Variants in SLC5A6 observed in about 807,000 individuals in gnomAD.
The protein encoded by SLC5A6 is solute carrier family 5 member 6, also known as sodium-dependent multivitamin transporter.
Under a neutral mutation model 67.9 loss-of-function variants are expected in SLC5A6, and 31 were observed. That is an observed-to-expected ratio of 0.46 (90% CI 0.34 to 0.62). The LOEUF is 0.62. Among genes scored for constraint, SLC5A6 ranks in the 20% least tolerant of loss-of-function variants. The pLI is 0.01. For missense variants in SLC5A6, 673 were observed against 812.8 expected, an observed-to-expected ratio of 0.83 and a Z score of 2.09; for synonymous variants, 343 against 331.0, an observed-to-expected ratio of 1.04 and a Z score of -0.39.
chr2:27,204,684 A>T lies in SLC5A6; in HGVS notation c.876-94T>A, dbSNP rs1673917716. 1.4e-5 allele frequency: 22 copies of T among 1,590,910 alleles called. 1 individual carries two copies. In the South Asian group the frequency reaches 2.3e-4, roughly 17 times the overall value. On this transcript the variant is annotated intron_variant, in intron 8 of 16. Transcript: ENST00000310574. ...CTCCAGAAAGGAGACCCACATCCTG[A>T]CCACAGTGGATGTGTATGCACTCTG...
chr2:27,206,159 G>A, intron 5 of SLC5A6, 66 bp from the exon 6 acceptor site: 1 of 1,326,644 alleles, frequency 7.5e-7, no homozygotes, highest in Non-Finnish European at 1.1e-6. Context: ...GCCCTGGTAG[G>A]GCAATCACGT....
At chr2:27,202,706 G>A (rs1282934989) in intron 12 of SLC5A6, 107 bp downstream of exon 12, 13 of 969,680 alleles carry the variant, frequency 1.3e-5, no homozygotes, top group South Asian at 3.9e-5. Flanking sequence ...AATCTCTTAC[G>A]CCTGCCCCCC....
chr2:27,205,561 A>G, intron 6 of SLC5A6, 57 bp from the exon 7 acceptor site: 1 of 1,586,946 alleles, frequency 6.3e-7, no homozygotes, highest in Admixed American at 1.8e-5. Flanking sequence ...AGCTTGTCCA[A>G]CCTGCCTTAT....
chr2:27,205,962 T>C, intron 6 of SLC5A6, 64 bp downstream of exon 6: 1 of 1,219,340 alleles, frequency 8.2e-7, no homozygotes, highest in Non-Finnish European at 1.2e-6. Context: ...CTTTTCCTTC[T>C]CTTCCCATGT....
In SLC5A6 at chr2:27,200,317, T is replaced by G. The variant is rs1323883395; in HGVS notation, c.*119A>C. 1.1e-4 allele frequency: 107 copies of G among 970,764 alleles called. No individual in the cohort carries two copies. Among genetic ancestry groups the G allele is most frequent in the Non-Finnish European group, 1.4e-4 (97 of 679,460 alleles). 60.1% of individuals were successfully genotyped at this position (970,764 alleles called of 1,614,324 possible). A position where few individuals can be genotyped will look rare whatever the true frequency, so the allele number is the denominator to read the frequency against. Reference sequence around the variant, plus strand: ...CCTCTCAGAACAAGGTCCTTTGGTATGAGCTAGATCATCCAGGCCTGTCCC... The same window carrying G: ...CCTCTCAGAACAAGGTCCTTTGGTAGGAGCTAGATCATCCAGGCCTGTCCC... On this transcript the variant is annotated 3_prime_UTR_variant, in exon 17 of 17. Coordinates refer to ENST00000310574, the MANE Select transcript of SLC5A6 (RefSeq NM_021095.4).
intron 2 of SLC5A6, among the ~76,000 whole-genome samples, chr2:27,210,286 G>C (rs757640536): frequency 4.6e-5 from 7 of 152,206 alleles, no homozygotes; most frequent in Non-Finnish European, 1.0e-4. Context: ...TCTGAGAACA[G>C]ATCTGTAGTT....
At chr2:27,203,123 G>T (rs781201260) in intron 11 of SLC5A6, 110 bp downstream of exon 11, 11 of 1,551,576 alleles carry the variant, frequency 7.1e-6, no homozygotes, top group Non-Finnish European at 9.5e-6. Context: ...GCTTCATTAG[G>T]CAAGTGCTGA....
rs377512493 is a variant in SLC5A6 at position 27,201,081 on chromosome 2, T to C, written c.1681A>G (p.Thr561Ala). The change falls in exon 16 of 17, where the codon ACC (threonine) becomes GCC (alanine). Residue 561 changes from threonine to alanine, a missense_variant. Transcript: ENST00000310574. ...RMRGRSLNPATIYPVLPKLLS... is the reference protein window; with the variant it reads ...RMRGRSLNPAAIYPVLPKLLS... Reference sequence around the variant, plus strand: ...AGCTTTGGCAACACTGGGTAAATGGTTGCAGGGTTCAGGGACCGGCCTCGC... The same window carrying C: ...AGCTTTGGCAACACTGGGTAAATGGCTGCAGGGTTCAGGGACCGGCCTCGC... The C allele has an allele frequency of 2.2e-5, 35 of 1,613,638 alleles. No individual in the cohort carries two copies. The highest frequency in any genetic ancestry group is 4.5e-5 in the East Asian group (2 of 44,886).
chr2:27,210,602 T>C lies in SLC5A6; in HGVS notation c.-141+865A>G, dbSNP rs540624361. Among the ~76,000 whole-genome samples the C allele has an allele frequency of 1.8e-3, 274 of 151,580 alleles. 1 individual carries two copies. The highest frequency in any genetic ancestry group is 2.7e-3 in the Non-Finnish European group (181 of 67,778). On this transcript the variant is annotated intron_variant, in intron 2 of 16. Transcript: ENST00000310574. The stretch of plus-strand genomic sequence containing the variant: ...TGTGCTACCGCGCCCAGCTAATTTT[T>C]TTTTTTTTTTTTTGTATTTTTAGTA...
chr2:27,208,540 C>A (rs1674243380), intron 2 of SLC5A6: 1 of 152,954 alleles, frequency 6.5e-6, no homozygotes, highest in Admixed American at 6.5e-5. Context: ...AGAGAAGCAA[C>A]CCAGTCACGG....
chr2:27,206,750 G>T, intron 4 of SLC5A6, 127 bp downstream of exon 4: 1 of 918,936 alleles, frequency 1.1e-6, no homozygotes. Context: ...CCTCACAGAT[G>T]CTAACCTCTA....
intron 11 of SLC5A6, 106 bp downstream of exon 11, chr2:27,203,127 G>C (rs745980683): frequency 7.0e-6 from 11 of 1,562,976 alleles, no homozygotes; most frequent in Non-Finnish European, 9.5e-6. Flanking sequence ...CATTAGGCAA[G>C]TGCTGAGCCC....
At chr2:27,205,229 T>C in intron 7 of SLC5A6, 121 bp downstream of exon 7, 1 of 995,344 alleles carries the variant, frequency 1.0e-6, no homozygotes, top group East Asian at 2.6e-5. Context: ...TTTCCCACTG[T>C]CTGCTGTTAC....
Position 27,207,785 on chromosome 2 carries a change from G to A in SLC5A6, c.-135C>T. 1.2e-6 allele frequency: 1 copy of A among 810,136 alleles called. No individual in the cohort carries two copies. Among genetic ancestry groups the A allele is most frequent in the Non-Finnish European group, 1.9e-6 (1 of 520,412 alleles). The allele number at this position is 810,136 out of a possible 1,614,324, so 50.2% of individuals were successfully genotyped here. On this transcript the variant is annotated 5_prime_UTR_variant, in exon 3 of 17. Transcript: ENST00000310574. The surrounding 1 kb of genome is among the most constrained non-coding windows in gnomAD (Gnocchi z 5.5). ...TCCTCCACGGAGTGATACTGTCCAG[G>A]GTGAGCTGCAAAGGAATTAGCTCTT...
chr2:27,211,442 C>G (rs1197583613), intron 2 of SLC5A6, 25 bp downstream of exon 2: 2 of 152,418 alleles, frequency 1.3e-5, no homozygotes, highest in Admixed American at 6.5e-5. Context: ...CTGGCCCACC[C>G]TGGGGCAGCA....
intron 6 of SLC5A6, 152 bp downstream of exon 6, chr2:27,205,874 A>T: frequency 1.5e-6 from 1 of 664,578 alleles, no homozygotes; most frequent in Non-Finnish European, 2.7e-6. Flanking sequence ...TACCATCCCC[A>T]CTGCTAAATC....
chr2:27,200,412 C>G lies in SLC5A6; in HGVS notation c.*24G>C. ...TGGCTATGGCCTGGCACAGTGAGGA[C>G]AGAGGCGGGGTCCTGAGTCAACATC... is the stretch of plus-strand genomic sequence containing the variant. On this transcript the variant is annotated 3_prime_UTR_variant, in exon 17 of 17. Transcript: ENST00000310574. 6.3e-7 allele frequency: 1 copy of G among 1,596,472 alleles called. No homozygotes were observed. Among genetic ancestry groups the G allele is most frequent in the South Asian group, 1.1e-5 (1 of 87,184 alleles).
chr2:27,212,585 G>C, upstream of SLC5A6: 1 of 1,459,034 alleles, frequency 6.9e-7, no homozygotes, highest in Non-Finnish European at 9.0e-7. Context: ...CGTCCCTGAC[G>C]CTTCCCGACC....
Position 27,200,331 on chromosome 2 carries a change from C to T in SLC5A6, c.*105G>A, listed in dbSNP as rs755462038. 1.7e-6 allele frequency: 2 copies of T among 1,172,244 alleles called. No homozygotes were observed. Among genetic ancestry groups the T allele is most frequent in the Non-Finnish European group, 2.4e-6 (2 of 841,610 alleles). 72.6% of individuals were successfully genotyped at this position (1,172,244 alleles called of 1,614,324 possible). A position where few individuals can be genotyped will look rare whatever the true frequency, so the allele number is the denominator to read the frequency against. ...GTCCTTTGGTATGAGCTAGATCATC[C>T]AGGCCTGTCCCTGCAGAACACACCA... On this transcript the variant is annotated 3_prime_UTR_variant, in exon 17 of 17. Transcript: ENST00000310574.
Sources: gnomAD v4.1 joint callset for allele counts (sites outside exome capture counted in the v4.1 genomes callset) on GRCh38, gnomAD v4.1.1 for gene constraint, Gnocchi (gnomAD v3.1) non-coding constraint, MANE v1.5 for transcripts, NCBI Gene and HGNC (gene_info 2026-07-23, HGNC 2026-07-21) for gene names.